The following AMBRA1 variants were observed in gnomAD, a reference collection of about 807,000 sequenced individuals.
AMBRA1 encodes the protein autophagy and beclin 1 regulator 1.
In AMBRA1, 47 loss-of-function variants were observed where a neutral mutation model predicts 125.4. The ratio of observed to expected loss-of-function variants is 0.37; its 90% CI spans 0.30 to 0.48. The LOEUF is 0.48. AMBRA1 is among the 20% of genes least tolerant of loss of function. The pLI is 0.99. For synonymous variants in AMBRA1, 626 were observed against 655.5 expected (o/e 0.95, Z 0.69); for missense variants, 1,331 against 1,693.4 (o/e 0.79, Z 3.76).
chr11:46,532,568 C>T (rs899219437), intron 7 of AMBRA1, among the ~76,000 whole-genome samples: 3 of 152,158 alleles, frequency 2.0e-5, no homozygotes, highest in African/African-American at 7.2e-5. Context: ...TCCCAAATAG[C>T]TGGGACTACA....
At chr11:46,451,303 G>A (rs1398912805) in intron 11 of AMBRA1, among the ~76,000 whole-genome samples, 1 of 152,142 alleles carries the variant, frequency 6.6e-6, no homozygotes, top group Non-Finnish European at 1.5e-5. Flanking sequence ...TCAACTTGTA[G>A]GCCAGAGCTC....
Position 46,543,194 on chromosome 11 carries a change from G to C in AMBRA1, c.823C>G (p.Pro275Ala). 1 of 1,587,412 alleles carries C rather than the reference G, an allele frequency of 6.3e-7. No individual in the cohort carries two copies. The highest frequency in any genetic ancestry group is 8.6e-7 in the Non-Finnish European group (1 of 1,167,526). Residue 275 changes from proline to alanine, a missense_variant, in exon 7 of 18, where the codon CCT (proline) becomes GCT (alanine). Physicochemically the swap from Pro to Ala is conservative, Grantham distance 27. Coordinates refer to ENST00000683756, the MANE Select transcript of AMBRA1 (RefSeq NM_001387011.1). ...CTGGGGCGCTCCGTGGAGGGCTGAG[G>C]GGGAGGCGGTGGGGGTGAGGGGGTA... The part of the protein sequence containing the change: ...SATPSPPPPP[P>A]QPSTERPRTS...
At chr11:46,508,440 C>T in intron 8 of AMBRA1, 70 bp from the exon 9 acceptor site, 1 of 1,474,042 alleles carries the variant, frequency 6.8e-7, no homozygotes, top group Non-Finnish European at 9.3e-7. Context: ...GGCAGTTAAT[C>T]CAGCTCTCCC....
chr11:46,482,989 A>G (rs1950131832), intron 11 of AMBRA1, among the ~76,000 whole-genome samples: 1 of 151,434 alleles, frequency 6.6e-6, no homozygotes, highest in Admixed American at 6.6e-5. Context: ...AGCCTGGGTG[A>G]AAGAGTGAGA....
At chr11:46,591,861 AAC>A (rs1001992948) in intron 1 of AMBRA1, among the ~76,000 whole-genome samples, 2 of 151,828 alleles carry the variant, frequency 1.3e-5, no homozygotes, top group Admixed American at 6.6e-5. Context: ...CGTCTCAAAA[AAC>A]ACACACACAA....
chr11:46,433,785 G>A (rs1219181726), intron 13 of AMBRA1, among the ~76,000 whole-genome samples, 157 bp from the exon 14 acceptor site: 1 of 152,132 alleles, frequency 6.6e-6, no homozygotes, highest in Non-Finnish European at 1.5e-5. Flanking sequence ...TGATGAGAAG[G>A]CATATACATA....
intron 7 of AMBRA1, among the ~76,000 whole-genome samples, chr11:46,519,433 A>C (rs10769201): frequency 1 from 152,342 of 152,344 alleles, 76,170 homozygotes; most frequent in Non-Finnish European, 1. Flanking sequence ...AAAAATTATA[A>C]CCTGAAGATA....
intron 1 of AMBRA1, among the ~76,000 whole-genome samples, chr11:46,573,289 C>CA: frequency 6.6e-6 from 1 of 151,902 alleles, no homozygotes; most frequent in East Asian, 1.9e-4. Flanking sequence ...CCTGTAATCC[C>CA]AGCTACTCAG....
At chr11:46,497,326 ACACG>A (rs1459072722) in intron 9 of AMBRA1, among the ~76,000 whole-genome samples, 2 of 152,188 alleles carry the variant, frequency 1.3e-5, no homozygotes, top group Non-Finnish European at 2.9e-5. Flanking sequence ...TGGCTCAAAT[ACACG>A]CAGTCTCAGA....
At chr11:46,485,293 C>A (rs1005599899) in intron 11 of AMBRA1, among the ~76,000 whole-genome samples, 1 of 152,184 alleles carries the variant, frequency 6.6e-6, no homozygotes, top group African/African-American at 2.4e-5. Context: ...ACAGAGTATA[C>A]CATATAAATG....
At chr11:46,494,330 T>C (rs557699025) in intron 9 of AMBRA1, 126 bp from the exon 10 acceptor site, 1 of 699,184 alleles carries the variant, frequency 1.4e-6, no homozygotes, top group African/African-American at 1.8e-5. Context: ...AAATTAGTCA[T>C]CTGGCTGCTC....
At chr11:46,566,925 G>A (rs774219843) in intron 1 of AMBRA1, among the ~76,000 whole-genome samples, 1 of 152,114 alleles carries the variant, frequency 6.6e-6, no homozygotes, top group Admixed American at 6.5e-5. Context: ...CTGCTAAAAT[G>A]TAAGAATATG....
chr11:46,472,781 T>C (rs1033445704), intron 11 of AMBRA1, among the ~76,000 whole-genome samples: 1 of 152,218 alleles, frequency 6.6e-6, no homozygotes, highest in Non-Finnish European at 1.5e-5. Flanking sequence ...AGTCCTTATC[T>C]GGTGGCCTTC....
intron 1 of AMBRA1, among the ~76,000 whole-genome samples, chr11:46,549,749 T>C (rs1464936825): frequency 6.6e-6 from 1 of 152,192 alleles, no homozygotes; most frequent in Non-Finnish European, 1.5e-5. Context: ...TTAGTCTCCT[T>C]TATCCTAGAA....
At chr11:46,585,323 C>T (rs912836795) in intron 1 of AMBRA1, among the ~76,000 whole-genome samples, 4 of 150,856 alleles carry the variant, frequency 2.7e-5, no homozygotes, top group South Asian at 2.1e-4. Flanking sequence ...TCCCCCTCTG[C>T]GAGAAACACC....
intron 1 of AMBRA1, among the ~76,000 whole-genome samples, chr11:46,581,424 C>T (rs2044165453): frequency 6.6e-6 from 1 of 151,828 alleles, no homozygotes; most frequent in Non-Finnish European, 1.5e-5. Flanking sequence ...CTGGCTAACA[C>T]ATGAAACCCC....
In AMBRA1 at chr11:46,415,773, C is replaced by T. The variant is rs1946513191; in HGVS notation, c.3116+2140G>A. On this transcript the variant is annotated intron_variant, in intron 15 of 17. Coordinates refer to ENST00000683756, the MANE Select transcript of AMBRA1 (RefSeq NM_001387011.1). ...TGTGTCCAGTGCTAATGCCATCTTA[C>T]TCAGGGAAGAGGCTTGAGTTCCTGG... Among the ~76,000 whole-genome samples, 5 of 152,212 alleles carry T rather than the reference C, an allele frequency of 3.3e-5. No homozygotes were observed. The South Asian group carries it at 1.0e-3, about 32-fold the overall frequency.
intron 1 of AMBRA1, among the ~76,000 whole-genome samples, chr11:46,558,548 CAAAAAAAAAAAA>C (rs58748629): frequency 5.2e-5 from 2 of 38,740 alleles, no homozygotes; most frequent in African/African-American, 8.0e-5. Context: ...GACTCCCTCT[CAAAAAAAAAAAA>C]AAAAAAAAAA....
chr11:46,474,035 A>G (rs1255169931), intron 11 of AMBRA1, among the ~76,000 whole-genome samples: 2 of 152,214 alleles, frequency 1.3e-5, no homozygotes, highest in South Asian at 2.1e-4. Flanking sequence ...TACCTAGCAC[A>G]TAGTAGCACT....
Sources: allele counts gnomAD v4.1 joint callset (sites outside exome capture counted in the v4.1 genomes callset), GRCh38; gene constraint gnomAD v4.1.1; transcripts MANE v1.5; gene names NCBI Gene and HGNC (gene_info 2026-07-23, HGNC 2026-07-21).